SPEF2: variants seen among roughly 807,000 people sequenced by gnomAD.
SPEF2 encodes the protein sperm flagellar and cilia associated 2, also known as sperm flagella and cilia-associated protein 2.
SPEF2 carries 187 observed loss-of-function variants against 224.6 expected under a neutral mutation model. The observed-to-expected ratio is 0.83, with a 90% CI of 0.74 to 0.94. The LOEUF (loss-of-function observed/expected upper bound fraction) is 0.94, where lower values mean the gene tolerates loss of function less well. Ranked by LOEUF, SPEF2 falls within the 40% of genes least tolerant of loss-of-function variation. SPEF2 has a pLI of 0.00. For synonymous variants in SPEF2, 715 were observed against 707.3 expected, an observed-to-expected ratio of 1.01 and a Z score of -0.17; for missense variants, 2,170 against 2,135.6, an observed-to-expected ratio of 1.02 and a Z score of -0.32.
chr5:35,806,104 GC>G (rs1173243800), intron 34 of SPEF2, among the ~76,000 whole-genome samples: 1 of 152,068 alleles, frequency 6.6e-6, no homozygotes, highest in Non-Finnish European at 1.5e-5. Flanking sequence ...ATACATTCAG[GC>G]TTTTGATACA....
At chr5:35,697,175 G>A (rs1378665964) in intron 14 of SPEF2, among the ~76,000 whole-genome samples, 3 of 152,152 alleles carry the variant, frequency 2.0e-5, no homozygotes, top group Admixed American at 6.5e-5. Flanking sequence ...TGAGTAGCTT[G>A]TATTGGACTA....
Position 35,793,312 on chromosome 5 carries a change from G to A in SPEF2, c.4708G>A (p.Gly1570Ser), listed in dbSNP as rs1217495359. 2 of 1,613,600 alleles carry A rather than the reference G, an allele frequency of 1.2e-6. No individual in the cohort carries two copies. Among genetic ancestry groups the A allele is most frequent in the Non-Finnish European group, 1.7e-6 (2 of 1,179,874 alleles). ...KFKAVDKEQL[G>S]TITFEQYMQA... ...CAAGGCTGTGGATAAGGAGCAGTTGGGCACCATCACTTTTGAGCAGTATAT... is the reference window on the plus strand; with the variant it reads ...CAAGGCTGTGGATAAGGAGCAGTTGAGCACCATCACTTTTGAGCAGTATAT... Residue 1570 changes from glycine to serine, a missense_variant, in exon 32 of 37, where the codon GGC becomes AGC. Transcript: ENST00000356031.
chr5:35,673,890 C>G (rs900474402), intron 10 of SPEF2, among the ~76,000 whole-genome samples: 1 of 152,160 alleles, frequency 6.6e-6, no homozygotes, highest in African/African-American at 2.4e-5. Flanking sequence ...ACCTATCCCC[C>G]AGTTTTTTTA....
At chr5:35,733,931 T>C (rs1746099435) in intron 21 of SPEF2, among the ~76,000 whole-genome samples, 3 of 152,198 alleles carry the variant, frequency 2.0e-5, no homozygotes, top group African/African-American at 7.2e-5. Context: ...TAGAAACATA[T>C]CTTTTAAGTT....
intron 36 of SPEF2, chr5:35,808,066 TC>T: frequency 9.4e-7 from 1 of 1,063,176 alleles, no homozygotes; most frequent in Non-Finnish European, 1.1e-6. Context: ...TCTTGACTTC[TC>T]AATGATAGCA....
chr5:35,710,773 G>T (rs1474495215), intron 19 of SPEF2: 18 of 985,268 alleles, frequency 1.8e-5, no homozygotes, highest in Non-Finnish European at 2.0e-5. Flanking sequence ...TTAAGTTTCT[G>T]AAGTTTGTTT....
intron 12 of SPEF2, 72 bp from the exon 13 acceptor site, chr5:35,694,210 TTATAGA>T: frequency 9.2e-7 from 1 of 1,081,666 alleles, no homozygotes; most frequent in South Asian, 1.4e-5. Context: ...AAACCTTTAC[TTATAGA>T]TATAAAATTA....
At chr5:35,642,588 C>T (rs1186817047) in intron 3 of SPEF2, among the ~76,000 whole-genome samples, 2 of 152,110 alleles carry the variant, frequency 1.3e-5, no homozygotes, top group African/African-American at 2.4e-5. Flanking sequence ...GTTGTAAGTA[C>T]TCATTAAATG....
intron 5 of SPEF2, among the ~76,000 whole-genome samples, chr5:35,648,908 GA>G (rs1385881532): frequency 5.3e-5 from 8 of 151,688 alleles, no homozygotes; most frequent in Admixed American, 6.6e-5. Context: ...CAGCTACTCA[GA>G]AGGCTGAGGC....
chr5:35,798,131 G>A (rs1056429781), intron 33 of SPEF2, among the ~76,000 whole-genome samples: 3 of 152,142 alleles, frequency 2.0e-5, no homozygotes, highest in East Asian at 1.9e-4. Context: ...CTAGATGACT[G>A]CAACGGCCTC....
At position 35,779,246 on chromosome 5, in the gene SPEF2, A is replaced by G. The variant is rs752613752; in HGVS notation, c.4347A>G (p.Pro1449=). ...GNIKVFPDPP[P]SIRPPPVEKE... ...TAAAAGTCTTCCCAGATCCTCCCCC[A>G]TCAATACGTCCTCCACCTGTAGAAA... The change falls in exon 30 of 37, where the codon CCA becomes CCG. Residue 1449 remains proline (P), a synonymous_variant. Coordinates refer to ENST00000356031, the MANE Select transcript of SPEF2 (RefSeq NM_024867.4). 4.3e-6 allele frequency: 7 copies of G among 1,613,836 alleles called. No homozygotes were observed. Among genetic ancestry groups the G allele is most frequent in the East Asian group, 4.5e-5 (2 of 44,880 alleles).
At chr5:35,800,248 T>C (rs1757244955) in intron 34 of SPEF2, 101 bp downstream of exon 34, 2 of 1,308,616 alleles carry the variant, frequency 1.5e-6, no homozygotes, top group Non-Finnish European at 2.1e-6. Flanking sequence ...CTCCGTATTT[T>C]CCTAGGTGTG....
Position 35,710,356 on chromosome 5 carries a change from G to C in SPEF2, c.2839+1235G>C, listed in dbSNP as rs1322460184. On this transcript the variant is annotated intron_variant, in intron 19 of 36. Transcript: ENST00000356031. ...GCAGATCACCAGAAATCAGGAGTTC[G>C]AGACCCCGCTGGCCAACAGGGCAAA... 6 of 740,706 alleles carry C rather than the reference G, an allele frequency of 8.1e-6. No individual in the cohort carries two copies. The African/African-American group carries it at 1.2e-4, about 15-fold the overall frequency. The allele number at this position is 740,706 out of a possible 1,614,324, so 45.9% of individuals were successfully genotyped here.
intron 10 of SPEF2, among the ~76,000 whole-genome samples, chr5:35,682,223 C>T (rs987841916): frequency 1.3e-5 from 2 of 152,122 alleles, no homozygotes; most frequent in African/African-American, 4.8e-5. Context: ...GCTATAGCCT[C>T]ATTTTATGGG....
At chr5:35,677,875 T>G (rs1752240764) in intron 10 of SPEF2, among the ~76,000 whole-genome samples, 1 of 152,214 alleles carries the variant, frequency 6.6e-6, no homozygotes, top group South Asian at 2.1e-4. Flanking sequence ...TGATTCTGGC[T>G]GCCTGATATA....
rs971591912 is a variant in SPEF2, at chr5:35,693,754, C to A, written c.1900-534C>A. On this transcript the variant is annotated intron_variant, in intron 12 of 36. Transcript: ENST00000356031. The stretch of plus-strand genomic sequence containing the variant: ...TGAATAAATTAGCTGATAATCTGAT[C>A]CAGATCATTTGCATAGCCTGCAAAA... Among the ~76,000 whole-genome samples the A allele has an allele frequency of 9.9e-5, 15 of 152,166 alleles. 1 individual carries two copies. The highest frequency in any genetic ancestry group is 5.2e-4 in the Admixed American group (8 of 15,276).
intron 26 of SPEF2, among the ~76,000 whole-genome samples, chr5:35,766,250 T>C (rs1348662164): frequency 6.6e-6 from 1 of 152,080 alleles, no homozygotes; most frequent in Admixed American, 6.6e-5. Flanking sequence ...TAAGAGGCCA[T>C]CTAGAACTAA....
At chr5:35,767,249 G>A (rs1752207384) in intron 26 of SPEF2, among the ~76,000 whole-genome samples, 1 of 151,872 alleles carries the variant, frequency 6.6e-6, no homozygotes, top group South Asian at 2.1e-4. Context: ...AATCTTTCTG[G>A]TGGAATGAAC....
chr5:35,775,774 CA>C (rs1348656417), intron 28 of SPEF2, among the ~76,000 whole-genome samples: 1 of 151,878 alleles, frequency 6.6e-6, no homozygotes, highest in African/African-American at 2.4e-5. Context: ...TGAAAAAAGC[CA>C]AAAAGAGAAA....
Sources: gnomAD v4.1 joint callset for allele counts (sites outside exome capture counted in the v4.1 genomes callset) on GRCh38, gnomAD v4.1.1 for gene constraint, MANE v1.5 for transcripts, NCBI Gene and HGNC (gene_info 2026-07-23, HGNC 2026-07-21) for gene names.